Variants in MINDY3 observed in about 807,000 individuals in gnomAD.
MINDY3 encodes MINDY lysine 48 deubiquitinase 3.
A neutral mutation model predicts 69.2 loss-of-function variants in MINDY3; 38 were observed. The observed-to-expected ratio is 0.55, with a 90% CI of 0.42 to 0.72. The LOEUF is 0.72. Among genes scored for constraint, MINDY3 ranks in the 30% least tolerant of loss-of-function variants. MINDY3 has a pLI of 0.00. For synonymous variants in MINDY3, 192 were observed against 180.1 expected, an observed-to-expected ratio of 1.07 and a Z score of -0.53; for missense variants, 522 against 519.0, an observed-to-expected ratio of 1.01 and a Z score of -0.06.
chr10:15,834,072 C>G (rs967361447), intron 7 of MINDY3, among the ~76,000 whole-genome samples: 15 of 151,800 alleles, frequency 9.9e-5, no homozygotes, highest in African/African-American at 3.6e-4. Context: ...TTTCATCTTT[C>G]AGGCAGAAAG....
intron 1 of MINDY3, among the ~76,000 whole-genome samples, chr10:15,849,787 T>C (rs951283542): frequency 6.6e-6 from 1 of 152,142 alleles, no homozygotes; most frequent in Non-Finnish European, 1.5e-5. Flanking sequence ...TTATCTAACA[T>C]ATTAAAATAA....
At chr10:15,812,225 GCCC>G in intron 10 of MINDY3, among the ~76,000 whole-genome samples, 1 of 152,248 alleles carries the variant, frequency 6.6e-6, no homozygotes, top group Non-Finnish European at 1.5e-5. Flanking sequence ...ACAGGCATGA[GCCC>G]CTGCGCCCGG....
chr10:15,793,640 G>C (rs1837587529), intron 11 of MINDY3, among the ~76,000 whole-genome samples: 1 of 152,108 alleles, frequency 6.6e-6, no homozygotes, highest in African/African-American at 2.4e-5. Flanking sequence ...GAAGGGGAAA[G>C]ATTGCTGAAA....
chr10:15,793,892 T>A (rs1421004106), intron 11 of MINDY3, among the ~76,000 whole-genome samples: 1 of 152,068 alleles, frequency 6.6e-6, no homozygotes. Flanking sequence ...AGGTTTATGC[T>A]CCAAACGATC....
intron 13 of MINDY3, among the ~76,000 whole-genome samples, chr10:15,785,364 T>G (rs1264591593): frequency 6.6e-6 from 1 of 152,152 alleles, no homozygotes; most frequent in Non-Finnish European, 1.5e-5. Flanking sequence ...CAAGTAACTG[T>G]CTCACTTTAC....
At chr10:15,818,133 C>A (rs1839501010) in intron 9 of MINDY3, 1 of 152,132 alleles carries the variant, frequency 6.6e-6, no homozygotes, top group African/African-American at 2.4e-5. Context: ...GAGAAATACA[C>A]AGGATCTGTG....
Position 15,812,414 on chromosome 10 carries a change from C to G in MINDY3, c.882+4421G>C, listed in dbSNP as rs114051893. 6.0e-3 allele frequency among the ~76,000 whole-genome samples: 920 copies of G among 152,256 alleles called. 12 individuals are homozygous for G. The highest frequency in any genetic ancestry group is 0.021 in the African/African-American group (886 of 41,538). ...CAGAAGGTTAAATTCAATACAGCTT[C>G]TGATATTTTACTCTATCTTAGCTAT... is the stretch of plus-strand genomic sequence containing the variant. On this transcript the variant is annotated intron_variant, in intron 10 of 14. Transcript: ENST00000277632.
At chr10:15,813,995 G>A (rs867298728) in intron 10 of MINDY3, among the ~76,000 whole-genome samples, 375 of 135,116 alleles carry the variant, frequency 2.8e-3, no homozygotes, top group African/African-American at 8.3e-3. Flanking sequence ...AAAAAAAAAA[G>A]AAAAAGAAAA....
intron 8 of MINDY3, among the ~76,000 whole-genome samples, chr10:15,822,502 A>T (rs147589681): frequency 2.0e-5 from 3 of 152,214 alleles, no homozygotes; most frequent in African/African-American, 7.2e-5. Flanking sequence ...AGGTATGAAA[A>T]ATCGATGCAT....
At chr10:15,845,813 A>ATT (rs891710697) in intron 2 of MINDY3, among the ~76,000 whole-genome samples, 817 of 49,320 alleles carry the variant, frequency 0.017, 178 homozygotes, top group African/African-American at 0.05. Flanking sequence ...GGCCTATGTG[A>ATT]TTTTTTTTTT....
At position 15,790,832 on chromosome 10, in the gene MINDY3, G is replaced by A. The variant is rs74126619; in HGVS notation, c.956-1513C>T. Among the ~76,000 whole-genome samples, 923 of 152,156 alleles carry A rather than the reference G, an allele frequency of 6.1e-3. 6 individuals are homozygous for A. The highest frequency in any genetic ancestry group is 0.02 in the African/African-American group (849 of 41,522). On this transcript the variant is annotated intron_variant, in intron 11 of 14. Transcript: ENST00000277632. ...CAAAATTTTGGAGGATCAACCTTTC[G>A]GGTGAGGGATGCTCAGTCTGTACAC...
At chr10:15,789,392 T>G in intron 11 of MINDY3, 73 bp from the exon 12 acceptor site, 16 of 1,126,868 alleles carry the variant, frequency 1.4e-5, no homozygotes, top group Non-Finnish European at 2.0e-5. Flanking sequence ...GCTGATCAGG[T>G]TCCAGGAAAA....
chr10:15,783,727 T>C (rs777520834), intron 13 of MINDY3, among the ~76,000 whole-genome samples: 1 of 152,156 alleles, frequency 6.6e-6, no homozygotes, highest in Non-Finnish European at 1.5e-5. Flanking sequence ...TGTATCCCAC[T>C]CAAAATGCCT....
rs1439097855 is a variant in MINDY3, at chr10:15,816,901, CAAGT to C, written c.812_815del (p.Tyr271Ter). 6.2e-7 allele frequency: 1 copy of C among 1,612,134 alleles called. No homozygotes were observed. Among genetic ancestry groups the C allele is most frequent in the African/African-American group, 1.3e-5 (1 of 74,830 alleles). On this transcript the variant is annotated frameshift_variant, in exon 10 of 15. Coordinates refer to ENST00000277632, the MANE Select transcript of MINDY3 (RefSeq NM_024948.4). LOFTEE classifies it high-confidence loss of function. ...TCCAAATAGGGAATTTTGGAGATTT[CAAGT>C]AAGAACCAACCTAGAACAAATGTAG...
intron 13 of MINDY3, 151 bp downstream of exon 13, chr10:15,786,410 C>G: frequency 1.7e-6 from 1 of 595,952 alleles, no homozygotes; most frequent in South Asian, 2.0e-5. Context: ...AACACACATT[C>G]CCTCTGTCTG....
At chr10:15,798,137 G>A (rs1837974085) in intron 10 of MINDY3, among the ~76,000 whole-genome samples, 1 of 152,108 alleles carries the variant, frequency 6.6e-6, no homozygotes, top group Admixed American at 6.6e-5. Flanking sequence ...TCTGAAATGA[G>A]TTTTAAGATA....
chr10:15,792,968 T>C (rs2131866873), intron 11 of MINDY3, among the ~76,000 whole-genome samples: 1 of 152,186 alleles, frequency 6.6e-6, no homozygotes, highest in South Asian at 2.1e-4. Context: ...TTAAGTCCAT[T>C]TTACAGATGA....
intron 11 of MINDY3, among the ~76,000 whole-genome samples, chr10:15,790,627 T>C (rs1298817794): frequency 6.6e-6 from 1 of 152,128 alleles, no homozygotes; most frequent in Non-Finnish European, 1.5e-5. Flanking sequence ...GGTTTCTGTG[T>C]TTATAGGCTA....
At chr10:15,824,770 CTAA>C (rs1186812041) in intron 8 of MINDY3, among the ~76,000 whole-genome samples, 3 of 152,256 alleles carry the variant, frequency 2.0e-5, no homozygotes, top group Non-Finnish European at 2.9e-5. Context: ...AAACAAATGT[CTAA>C]TAATAATATC....
Sources: allele counts gnomAD v4.1 joint callset (sites outside exome capture counted in the v4.1 genomes callset), GRCh38; gene constraint gnomAD v4.1.1; transcripts MANE v1.5; gene names NCBI Gene and HGNC (gene_info 2026-07-23, HGNC 2026-07-21).